ULK4: variants seen among roughly 807,000 people sequenced by gnomAD.
ULK4 encodes the protein inactive serine/threonine-protein kinase ULK4.
In ULK4, 133 loss-of-function variants were observed where a neutral mutation model predicts 160.6. The observed-to-expected ratio is 0.83, with a 90% CI of 0.72 to 0.96. The LOEUF is 0.96. Among genes scored for constraint, ULK4 ranks in the 40% least tolerant of loss-of-function variants. ULK4 has a pLI of 0.00. For missense variants in ULK4, 1,580 were observed against 1,499.5 expected, an observed-to-expected ratio of 1.05 and a Z score of -0.89; for synonymous variants, 534 against 539.8, an observed-to-expected ratio of 0.99 and a Z score of 0.15.
chr3:41,727,140 G>C (rs76505374), intron 22 of ULK4, among the ~76,000 whole-genome samples: 112 of 152,100 alleles, frequency 7.4e-4, no homozygotes, highest in African/African-American at 2.6e-3. Context: ...AACTCTGATC[G>C]GCCTTCTATT....
chr3:41,507,951 G>C (rs1294341408), intron 32 of ULK4, among the ~76,000 whole-genome samples: 2 of 152,184 alleles, frequency 1.3e-5, no homozygotes, highest in Non-Finnish European at 2.9e-5. Context: ...CCCTTTGAAG[G>C]AACTGAATTG....
intron 30 of ULK4, among the ~76,000 whole-genome samples, chr3:41,622,924 A>C (rs1004879726): frequency 6.6e-6 from 1 of 152,224 alleles, no homozygotes; most frequent in African/African-American, 2.4e-5. Flanking sequence ...ATAAAGTAAA[A>C]GCAGCCATAA....
chr3:41,379,904 A>T (rs1292799809), intron 35 of ULK4, among the ~76,000 whole-genome samples: 1 of 152,158 alleles, frequency 6.6e-6, no homozygotes, highest in Admixed American at 6.5e-5. Flanking sequence ...ATAAATATTT[A>T]TTTTTAATTC....
chr3:41,917,536 C>T (rs901497965), intron 7 of ULK4, among the ~76,000 whole-genome samples: 21 of 152,026 alleles, frequency 1.4e-4, no homozygotes, highest in African/African-American at 5.1e-4. Context: ...TTAAGATAAA[C>T]TTTAACAATG....
chr3:41,246,835 T>G lies in ULK4; in HGVS notation c.*94A>C. On this transcript the variant is annotated 3_prime_UTR_variant, in exon 37 of 37. Coordinates refer to ENST00000301831, the MANE Select transcript of ULK4 (RefSeq NM_017886.4). ...ACTTTATTAGGTCCAAAGACAGCTG[T>G]GAGGGGATGTGGCAAAGGTGTCTGG... 1.4e-6 allele frequency: 2 copies of G among 1,444,006 alleles called. No individual in the cohort carries two copies. The highest frequency in any genetic ancestry group is 1.4e-5 in the African/African-American group (1 of 71,400). The allele number at this position is 1,444,006 out of a possible 1,614,324, so 89.4% of individuals were successfully genotyped here. A position where few individuals can be genotyped will look rare whatever the true frequency, so the allele number is the denominator to read the frequency against.
chr3:41,570,840 G>A (rs1368682962), intron 31 of ULK4, among the ~76,000 whole-genome samples: 3 of 152,136 alleles, frequency 2.0e-5, no homozygotes, highest in African/African-American at 4.8e-5. Context: ...CCTGCCTGGA[G>A]ATCCCAGAGT....
intron 32 of ULK4, among the ~76,000 whole-genome samples, chr3:41,491,031 G>A (rs1234461126): frequency 6.6e-6 from 1 of 152,124 alleles, no homozygotes; most frequent in Non-Finnish European, 1.5e-5. Flanking sequence ...TGGAATACAA[G>A]ATCCCATTAA....
intron 18 of ULK4, among the ~76,000 whole-genome samples, chr3:41,822,167 G>C (rs962000100): frequency 6.6e-6 from 1 of 151,954 alleles, no homozygotes; most frequent in Non-Finnish European, 1.5e-5. Flanking sequence ...CCAAGACATC[G>C]GACTGGTGAG....
chr3:41,898,000 C>A (rs1698225738), intron 14 of ULK4, among the ~76,000 whole-genome samples: 1 of 152,190 alleles, frequency 6.6e-6, no homozygotes. Context: ...CACTCCCACA[C>A]CACCTCCACA....
chr3:41,423,142 A>C (rs1375747120), intron 34 of ULK4, among the ~76,000 whole-genome samples: 2 of 152,206 alleles, frequency 1.3e-5, no homozygotes, highest in Non-Finnish European at 2.9e-5. Flanking sequence ...CCAAAGAAAG[A>C]AAATCACTGA....
chr3:41,813,199 G>T (rs1159207790), intron 19 of ULK4, among the ~76,000 whole-genome samples: 1 of 152,072 alleles, frequency 6.6e-6, no homozygotes. Flanking sequence ...AATGCATGCT[G>T]GGTTTAATAC....
chr3:41,816,087 T>C (rs895299123), intron 19 of ULK4, among the ~76,000 whole-genome samples: 2 of 151,888 alleles, frequency 1.3e-5, no homozygotes, highest in Admixed American at 6.6e-5. Context: ...TGTATGTGTA[T>C]ACACACATAC....
At chr3:41,864,433 A>T (rs549230822) in intron 17 of ULK4, among the ~76,000 whole-genome samples, 1 of 152,124 alleles carries the variant, frequency 6.6e-6, no homozygotes, top group Admixed American at 6.5e-5. Context: ...ACCCGGTACT[A>T]TGAGTGCTCA....
At chr3:41,521,151 C>T (rs554849052) in intron 32 of ULK4, among the ~76,000 whole-genome samples, 2 of 152,294 alleles carry the variant, frequency 1.3e-5, no homozygotes, top group East Asian at 1.9e-4. Flanking sequence ...GAGTGCCACA[C>T]ATTCTACTGT....
intron 35 of ULK4, among the ~76,000 whole-genome samples, chr3:41,284,449 C>G (rs1473298173): frequency 1.3e-5 from 2 of 152,092 alleles, no homozygotes; most frequent in Non-Finnish European, 2.9e-5. Context: ...CAATTACTTA[C>G]AGTCAACTGA....
At chr3:41,841,348 C>A (rs2041921554) in intron 17 of ULK4, among the ~76,000 whole-genome samples, 1 of 150,656 alleles carries the variant, frequency 6.6e-6, no homozygotes, top group Non-Finnish European at 1.5e-5. Flanking sequence ...TGTCCGGCCA[C>A]CCCGCCTGGG....
Position 41,378,456 on chromosome 3 carries a change from A to C in ULK4, c.3678+19623T>G, listed in dbSNP as rs184027037. On this transcript the variant is annotated intron_variant, in intron 35 of 36. Coordinates refer to ENST00000301831, the MANE Select transcript of ULK4 (RefSeq NM_017886.4). ...ACCATGGAATACTATGCAGCCATAA[A>C]AAAGGATGAGTTCATGTCCTTTGTA... Among the ~76,000 whole-genome samples, 947 of 152,224 alleles carry C rather than the reference A, an allele frequency of 6.2e-3. 12 individuals carry two copies. The highest frequency in any genetic ancestry group is 0.021 in the African/African-American group (880 of 41,542).
At chr3:41,805,206 G>T (rs911024785) in intron 19 of ULK4, among the ~76,000 whole-genome samples, 1 of 152,180 alleles carries the variant, frequency 6.6e-6, no homozygotes, top group Admixed American at 6.5e-5. Context: ...CACGTCCCTT[G>T]TAAGTTGGAT....
intron 2 of ULK4, among the ~76,000 whole-genome samples, chr3:41,945,183 A>G (rs930442937): frequency 2.0e-5 from 3 of 152,182 alleles, no homozygotes; most frequent in Non-Finnish European, 4.4e-5. Flanking sequence ...TGTCAGCACC[A>G]AAGTGCTGCC....
Sources: gnomAD v4.1 joint callset for allele counts (sites outside exome capture counted in the v4.1 genomes callset) on GRCh38, gnomAD v4.1.1 for gene constraint, MANE v1.5 for transcripts, NCBI Gene and HGNC (gene_info 2026-07-23, HGNC 2026-07-21) for gene names.